RGS6: variants seen among roughly 807,000 people sequenced by gnomAD.
The protein encoded by RGS6 is regulator of G-protein signaling 6.
A neutral mutation model predicts 78.5 loss-of-function variants in RGS6; 30 were observed. The ratio of observed to expected loss-of-function variants is 0.38; its 90% CI spans 0.29 to 0.52. The LOEUF (loss-of-function observed/expected upper bound fraction) is 0.52, where lower values mean the gene tolerates loss of function less well. Among genes scored for constraint, RGS6 ranks in the 20% least tolerant of loss-of-function variants. The probability of loss-of-function intolerance (pLI) is 0.85; values close to 1 mark genes in which losing one functional copy is unlikely to be tolerated. For missense variants in RGS6, 495 were observed against 609.7 expected (o/e 0.81, Z 1.98); for synonymous variants, 206 against 206.0 (o/e 1.00, Z 0.00).
At chr14:72,174,761 A>G (rs17768925) in intron 2 of RGS6, among the ~76,000 whole-genome samples, 3,194 of 152,288 alleles carry the variant, frequency 0.021, 44 homozygotes, top group Non-Finnish European at 0.032. Context: ...CAACCCACCT[A>G]TCAGAGCTAT....
intron 2 of RGS6, among the ~76,000 whole-genome samples, chr14:72,023,149 A>G (rs1185786862): frequency 1.3e-5 from 2 of 152,220 alleles, no homozygotes; most frequent in African/African-American, 2.4e-5. Flanking sequence ...CCTTGATCCT[A>G]AACTATTGAG....
chr14:72,465,666 A>G (rs2095890601), intron 6 of RGS6, 92 bp from the exon 7 acceptor site: 7 of 807,576 alleles, frequency 8.7e-6, no homozygotes, highest in African/African-American at 1.8e-5. Flanking sequence ...GGATGGGTGA[A>G]TGGGTGAATG....
intron 2 of RGS6, among the ~76,000 whole-genome samples, chr14:72,112,954 G>A (rs540920959): frequency 6.6e-6 from 1 of 152,250 alleles, no homozygotes; most frequent in African/African-American, 2.4e-5. Context: ...ATCAAATGCA[G>A]AAAACAGTTC....
At chr14:72,401,590 C>T (rs2092407075) in intron 3 of RGS6, among the ~76,000 whole-genome samples, 1 of 150,074 alleles carries the variant, frequency 6.7e-6, no homozygotes, top group African/African-American at 2.5e-5. Context: ...AGTTGAGTTT[C>T]TCTAGCAAGT....
rs180831896 is a variant in RGS6 at position 71,949,315 on chromosome 14, T to A, written c.-20-15457T>A. On this transcript the variant is annotated intron_variant, in intron 1 of 17. Coordinates refer to ENST00000553525, the MANE Select transcript of RGS6 (RefSeq NM_001204424.2). ...TCATGAGTGTTTCAGTTTCTTTATA[T>A]CATTGGTAAGACTTGAGATTGTTAA... 2.1e-3 allele frequency among the ~76,000 whole-genome samples: 323 copies of A among 152,304 alleles called. 1 individual carries two copies. The highest frequency in any genetic ancestry group is 7.2e-3 in the African/African-American group (299 of 41,574).
At chr14:72,110,293 T>C (rs994655392) in intron 2 of RGS6, among the ~76,000 whole-genome samples, 12 of 152,218 alleles carry the variant, frequency 7.9e-5, no homozygotes, top group African/African-American at 2.9e-4. Flanking sequence ...ATTACCCTGC[T>C]AATAGACTGG....
intron 2 of RGS6, among the ~76,000 whole-genome samples, chr14:72,261,529 T>C (rs2058151477): frequency 6.6e-6 from 1 of 152,126 alleles, no homozygotes; most frequent in South Asian, 2.1e-4. Flanking sequence ...GATGGGGTCT[T>C]CCTGAGCTGT....
intron 2 of RGS6, among the ~76,000 whole-genome samples, chr14:71,967,518 T>G (rs2093595551): frequency 6.6e-6 from 1 of 152,224 alleles, no homozygotes; most frequent in Admixed American, 6.5e-5. Flanking sequence ...AGCATTTTCT[T>G]TGGAAGTCCT....
chr14:72,534,162 C>A (rs536632211), intron 15 of RGS6, among the ~76,000 whole-genome samples: 1 of 152,218 alleles, frequency 6.6e-6, no homozygotes, highest in South Asian at 2.1e-4. Flanking sequence ...CAGTCAGTAT[C>A]CAACAATGTC....
intron 3 of RGS6, among the ~76,000 whole-genome samples, chr14:72,383,769 A>G (rs2086973334): frequency 6.6e-6 from 1 of 152,116 alleles, no homozygotes; most frequent in Admixed American, 6.6e-5. Flanking sequence ...GAGTTGTAGG[A>G]GCCATCTACG....
chr14:72,560,360 G>T (rs1232417616), intron 17 of RGS6, among the ~76,000 whole-genome samples: 1 of 152,182 alleles, frequency 6.6e-6, no homozygotes, highest in Non-Finnish European at 1.5e-5. Flanking sequence ...GGGGAGGTTT[G>T]TAAGAGCTCT....
chr14:72,215,569 G>A lies in RGS6; in HGVS notation c.85-136526G>A, dbSNP rs535028151. On this transcript the variant is annotated intron_variant, in intron 2 of 17. Transcript: ENST00000553525. ...TGCGTCCACCCTACTGCTGTGTCCC[G>A]TTTCCATTGGCTGGAACGGGACCTC... 8.1e-4 allele frequency among the ~76,000 whole-genome samples: 124 copies of A among 152,264 alleles called. 1 individual carries two copies. Among genetic ancestry groups the A allele is most frequent in the East Asian group, 7.1e-3 (37 of 5,182 alleles).
intron 15 of RGS6, among the ~76,000 whole-genome samples, chr14:72,526,101 TTTC>T (rs2097113463): frequency 6.6e-6 from 1 of 151,360 alleles, no homozygotes; most frequent in East Asian, 1.9e-4. Context: ...TGAAAATACT[TTTC>T]TTCTTTTTTT....
At chr14:72,412,249 G>A (rs1192931066) in intron 3 of RGS6, among the ~76,000 whole-genome samples, 1 of 152,158 alleles carries the variant, frequency 6.6e-6, no homozygotes, top group Non-Finnish European at 1.5e-5. Context: ...TTGAGAGCCT[G>A]TTATTGGTCT....
chr14:72,423,701 G>A (rs1022677122), intron 3 of RGS6, among the ~76,000 whole-genome samples: 5 of 152,110 alleles, frequency 3.3e-5, no homozygotes, highest in Non-Finnish European at 2.9e-5. Flanking sequence ...GACGAGGGGT[G>A]AAAAACAACC....
intron 17 of RGS6, 126 bp from the exon 18 acceptor site, chr14:72,562,291 C>T (rs1262184352): frequency 3.5e-6 from 3 of 847,898 alleles, no homozygotes; most frequent in African/African-American, 3.3e-5. Context: ...TCAAGATGGT[C>T]AGTTGGGTTG....
intron 2 of RGS6, among the ~76,000 whole-genome samples, chr14:72,117,905 A>C (rs917708107): frequency 5.3e-5 from 8 of 152,068 alleles, no homozygotes; most frequent in Non-Finnish European, 1.2e-4. Flanking sequence ...GGAGTTGTCA[A>C]CTAATAACAG....
the RGS6 span, among the ~76,000 whole-genome samples, chr14:71,899,149 T>C: frequency 6.6e-6 from 1 of 152,284 alleles, no homozygotes; most frequent in Admixed American, 6.5e-5. Flanking sequence ...TTTAAAAATA[T>C]TTAAAAACCA....
At chr14:72,025,441 G>T (rs2089650476) in intron 2 of RGS6, among the ~76,000 whole-genome samples, 1 of 152,160 alleles carries the variant, frequency 6.6e-6, no homozygotes, top group South Asian at 2.1e-4. Flanking sequence ...ATATCTCCAG[G>T]CATAAAAGAT....
Sources: allele counts gnomAD v4.1 joint callset (sites outside exome capture counted in the v4.1 genomes callset), GRCh38; gene constraint gnomAD v4.1.1; transcripts MANE v1.5; gene names NCBI Gene and HGNC (gene_info 2026-07-23, HGNC 2026-07-21).